DNER: variants seen among roughly 807,000 people sequenced by gnomAD.
The protein encoded by DNER is delta and Notch-like epidermal growth factor-related receptor.
DNER carries 33 observed loss-of-function variants against 78.2 expected under a neutral mutation model. The ratio of observed to expected loss-of-function variants is 0.42; its 90% confidence interval spans 0.32 to 0.56. The LOEUF (loss-of-function observed/expected upper bound fraction) is 0.56. Ranked by LOEUF, DNER falls within the 20% of genes least tolerant of loss-of-function variation. DNER has a pLI of 0.11. For missense variants in DNER, 918 were observed against 975.3 expected, an observed-to-expected ratio of 0.94 and a Z score of 0.78; for synonymous variants, 417 against 384.8, an observed-to-expected ratio of 1.08 and a Z score of -0.98.
intron 9 of DNER, among the ~76,000 whole-genome samples, chr2:229,413,793 A>T (rs1416217144): frequency 2.0e-5 from 3 of 150,858 alleles, no homozygotes; most frequent in Non-Finnish European, 4.4e-5. Flanking sequence ...TATATAGTTT[A>T]AAAAATATCA....
chr2:229,648,962 G>A (rs760665007), intron 1 of DNER, among the ~76,000 whole-genome samples: 12 of 152,048 alleles, frequency 7.9e-5, no homozygotes, highest in Non-Finnish European at 1.6e-4. Flanking sequence ...TTTTCCTACC[G>A]AGTGATAACG....
intron 1 of DNER, among the ~76,000 whole-genome samples, chr2:229,599,710 T>C (rs1202479384): frequency 6.6e-6 from 1 of 152,192 alleles, no homozygotes; most frequent in Non-Finnish European, 1.5e-5. Flanking sequence ...TACAACATAC[T>C]ATAAAGGACT....
chr2:229,430,041 T>C (rs1693971525), intron 8 of DNER, among the ~76,000 whole-genome samples: 1 of 152,218 alleles, frequency 6.6e-6, no homozygotes, highest in Admixed American at 6.5e-5. Flanking sequence ...TTGAATTTGC[T>C]AGAAAAATAG....
At chr2:229,547,178 C>T (rs989183637) in intron 4 of DNER, 86 bp from the exon 5 acceptor site, 3 of 1,538,260 alleles carry the variant, frequency 2.0e-6, no homozygotes, top group Non-Finnish European at 2.6e-6. Flanking sequence ...AGCCTTTCTA[C>T]AAGACTATGA....
At chr2:229,588,885 G>A (rs1176476655) in intron 2 of DNER, among the ~76,000 whole-genome samples, 1 of 152,206 alleles carries the variant, frequency 6.6e-6, no homozygotes, top group Non-Finnish European at 1.5e-5. Flanking sequence ...GCAGGTAAAA[G>A]CCTAATGACT....
intron 1 of DNER, among the ~76,000 whole-genome samples, chr2:229,630,987 G>A (rs1336381214): frequency 1.3e-5 from 2 of 152,052 alleles, no homozygotes; most frequent in Non-Finnish European, 2.9e-5. Flanking sequence ...TTTTATGGCT[G>A]TGTAGTATTC....
chr2:229,391,142 G>A (rs754695623), intron 10 of DNER, among the ~76,000 whole-genome samples: 5 of 152,128 alleles, frequency 3.3e-5, no homozygotes, highest in Non-Finnish European at 5.9e-5. Context: ...TCAGTCTTAC[G>A]CAAAGTGTTT....
At chr2:229,464,739 T>A (rs542501451) in intron 7 of DNER, among the ~76,000 whole-genome samples, 2 of 151,830 alleles carry the variant, frequency 1.3e-5, no homozygotes, top group East Asian at 3.9e-4. Flanking sequence ...CAGGGTGCGG[T>A]GGGTAGAGAA....
At chr2:229,635,351 G>A (rs1339799112) in intron 1 of DNER, among the ~76,000 whole-genome samples, 1 of 112,748 alleles carries the variant, frequency 8.9e-6, no homozygotes, top group Non-Finnish European at 1.7e-5. Context: ...GATGCACTAA[G>A]GTCCCACAGG....
At chr2:229,539,490 T>C (rs1696471422) in intron 5 of DNER, among the ~76,000 whole-genome samples, 1 of 152,242 alleles carries the variant, frequency 6.6e-6, no homozygotes, top group Non-Finnish European at 1.5e-5. Context: ...ATCTGTGAGA[T>C]GGCCTTAGAT....
rs527789172 is a variant in DNER, at chr2:229,525,674, G to A, written c.994-12738C>T. Among the ~76,000 whole-genome samples the A allele has an allele frequency of 2.1e-3, 322 of 152,242 alleles. 1 individual carries two copies. The highest frequency in any genetic ancestry group is 7.1e-3 in the African/African-American group (297 of 41,546). Reference sequence around the variant, plus strand: ...GTTGCCTGGGCGGGAGTGCAATGGCGTGAACTCGGCTCACTGCAACCTCCA... The same window carrying A: ...GTTGCCTGGGCGGGAGTGCAATGGCATGAACTCGGCTCACTGCAACCTCCA... On this transcript the variant is annotated intron_variant, in intron 5 of 12. Transcript: ENST00000341772.
chr2:229,377,470 G>GA (rs1460709058), intron 11 of DNER, among the ~76,000 whole-genome samples: 1 of 152,070 alleles, frequency 6.6e-6, no homozygotes, highest in African/African-American at 2.4e-5. Context: ...TTATAATTCA[G>GA]AAAAAATTAT....
At chr2:229,434,636 A>G (rs1038573996) in intron 8 of DNER, among the ~76,000 whole-genome samples, 2 of 152,166 alleles carry the variant, frequency 1.3e-5, no homozygotes, top group Admixed American at 6.5e-5. Flanking sequence ...AAAAATCAGA[A>G]GTGTGTTTTT....
At chr2:229,388,706 G>A (rs1403686512) in intron 10 of DNER, among the ~76,000 whole-genome samples, 1 of 137,928 alleles carries the variant, frequency 7.3e-6, no homozygotes, top group Non-Finnish European at 1.5e-5. Flanking sequence ...GCTTCATTTA[G>A]CTAGTTAAGT....
Position 229,426,871 on chromosome 2 carries a change from A to G in DNER, c.1487-8641T>C, listed in dbSNP as rs1036282875. 1.2e-4 allele frequency among the ~76,000 whole-genome samples: 19 copies of G among 152,234 alleles called. No individual in the cohort carries two copies. In the East Asian group the frequency reaches 3.7e-3, roughly 29 times the overall value. On this transcript the variant is annotated intron_variant, in intron 8 of 12. Transcript: ENST00000341772. ...CACACACACACACACAACACACACA[A>G]TAAAGCCAGAAAATACTTGTGAACA...
intron 1 of DNER, among the ~76,000 whole-genome samples, chr2:229,700,527 T>C (rs1189240665): frequency 6.6e-6 from 1 of 151,952 alleles, no homozygotes; most frequent in Non-Finnish European, 1.5e-5. Context: ...ATTTAAAAAC[T>C]GGAAATAATG....
chr2:229,364,301 C>T (rs1692290236), intron 12 of DNER, among the ~76,000 whole-genome samples: 1 of 152,084 alleles, frequency 6.6e-6, no homozygotes, highest in East Asian at 1.9e-4. Context: ...CACCCTATTC[C>T]AACCCCTAAC....
At chr2:229,654,032 A>AT (rs1236725375) in intron 1 of DNER, among the ~76,000 whole-genome samples, 1 of 152,154 alleles carries the variant, frequency 6.6e-6, no homozygotes, top group Non-Finnish European at 1.5e-5. Flanking sequence ...TTTGTTACAT[A>AT]TGTGTACATG....
At chr2:229,670,107 C>T (rs1424155826) in intron 1 of DNER, among the ~76,000 whole-genome samples, 1 of 152,188 alleles carries the variant, frequency 6.6e-6, no homozygotes, top group East Asian at 1.9e-4. Context: ...TGCAGCAATC[C>T]TCACCAGACA....
Sources: allele counts gnomAD v4.1 joint callset (sites outside exome capture counted in the v4.1 genomes callset), GRCh38; gene constraint gnomAD v4.1.1; transcripts MANE v1.5; gene names NCBI Gene and HGNC (gene_info 2026-07-23, HGNC 2026-07-21).